The following SHC3 variants were observed in gnomAD, a reference collection of about 807,000 sequenced individuals.
SHC3 encodes SHC-transforming protein 3.
In SHC3, 15 loss-of-function variants were observed where a neutral mutation model predicts 60.4. The observed-to-expected ratio is 0.25, with a 90% confidence interval of 0.17 to 0.38. The LOEUF is 0.38. Ranked by LOEUF, SHC3 falls within the 10% of genes least tolerant of loss-of-function variation. The probability of loss-of-function intolerance (pLI) is 1.00; values close to 1 mark genes in which losing one functional copy is unlikely to be tolerated. For missense variants in SHC3, 677 were observed against 786.1 expected (o/e 0.86, Z 1.66); for synonymous variants, 294 against 325.9 (o/e 0.90, Z 1.05).
rs139051239 is a variant in SHC3, at chr9:89,150,888, T to A, written c.474+27099A>T. ...CAATAATTGTTATTGTCCATTTTTTTAATTATAGCTTTTTTTGTTATACCC... is the reference window on the plus strand; with the variant it reads ...CAATAATTGTTATTGTCCATTTTTTAAATTATAGCTTTTTTTGTTATACCC... On this transcript the variant is annotated intron_variant, in intron 1 of 11. Transcript: ENST00000375835. Among the ~76,000 whole-genome samples, 1,129 of 152,348 alleles carry A rather than the reference T, an allele frequency of 7.4e-3. 16 individuals carry two copies. Among genetic ancestry groups the A allele is most frequent in the African/African-American group, 0.025 (1,034 of 41,580 alleles).
intron 1 of SHC3, among the ~76,000 whole-genome samples, chr9:89,173,906 T>A (rs1363263278): frequency 6.6e-6 from 1 of 152,172 alleles, no homozygotes; most frequent in Non-Finnish European, 1.5e-5. Flanking sequence ...GTGTAAGCCA[T>A]CCATATCATA....
chr9:89,172,697 C>T (rs1046776021), intron 1 of SHC3, among the ~76,000 whole-genome samples: 1 of 152,212 alleles, frequency 6.6e-6, no homozygotes, highest in Non-Finnish European at 1.5e-5. Flanking sequence ...TACTATAGAA[C>T]TCTTATGATA....
chr9:89,164,470 A>G (rs1445325192), intron 1 of SHC3, among the ~76,000 whole-genome samples: 1 of 152,066 alleles, frequency 6.6e-6, no homozygotes, highest in Non-Finnish European at 1.5e-5. Flanking sequence ...GTTTCTCCAT[A>G]TGGTTGGAGT....
At chr9:89,169,752 G>A (rs1159807838) in intron 1 of SHC3, among the ~76,000 whole-genome samples, 2 of 152,142 alleles carry the variant, frequency 1.3e-5, no homozygotes, top group Non-Finnish European at 2.9e-5. Context: ...GTTGGGTGGC[G>A]GGCCATTTGT....
intron 1 of SHC3, among the ~76,000 whole-genome samples, chr9:89,131,919 C>G (rs1427700921): frequency 1.3e-5 from 2 of 152,102 alleles, no homozygotes; most frequent in South Asian, 2.1e-4. Flanking sequence ...GGCAATCAGG[C>G]AAGAGAAAGA....
chr9:89,007,051 G>A lies in SHC3; in HGVS notation c.*6396C>T, dbSNP rs1469855068. 1 of 152,192 alleles carries A rather than the reference G, an allele frequency of 6.6e-6. No individual in the cohort carries two copies. The highest frequency in any genetic ancestry group is 2.4e-5 in the African/African-American group (1 of 41,448). The allele number at this position is 152,192 out of a possible 1,614,324, so 9.4% of individuals were successfully genotyped here. Reference sequence around the variant, plus strand: ...TAAAATTGTATGAGATTTTATTCCTGGTGCTTTTTCAGCGAGAACCATTTT... The same window carrying A: ...TAAAATTGTATGAGATTTTATTCCTAGTGCTTTTTCAGCGAGAACCATTTT... On this transcript the variant is annotated 3_prime_UTR_variant, in exon 12 of 12. Coordinates refer to ENST00000375835, the MANE Select transcript of SHC3 (RefSeq NM_016848.6).
intron 2 of SHC3, among the ~76,000 whole-genome samples, chr9:89,102,405 T>C (rs2118085402): frequency 6.6e-6 from 1 of 152,344 alleles, no homozygotes; most frequent in South Asian, 2.1e-4. Context: ...GGAATGAGTC[T>C]GTATATTCAG....
Position 89,178,160 on chromosome 9 carries a change from T to G in SHC3, c.301A>C (p.Ser101Arg). 8.0e-7 allele frequency: 1 copy of G among 1,245,584 alleles called. No individual in the cohort carries two copies. Among genetic ancestry groups the G allele is most frequent in the South Asian group, 3.0e-5 (1 of 33,514 alleles). The allele number at this position is 1,245,584 out of a possible 1,614,324, so 77.2% of individuals were successfully genotyped here. ...RAGARLSGSC[S>R]APSLAAPDGS... is the part of the protein sequence containing the mutation. ...TCCGGGGCGGCCAGGCTGGGCGCGC[T>G]GCAGCTGCCCGAGAGCCGCGCGCCC... Residue 101 changes from serine to arginine, a missense_variant, in exon 1 of 12, where the codon AGC becomes CGC. Physicochemically the swap from Ser to Arg is moderately radical, Grantham distance 110 (BLOSUM62 -1). Coordinates refer to ENST00000375835, the MANE Select transcript of SHC3 (RefSeq NM_016848.6). This position sits in a 1 kb window ranked among gnomAD's most constrained non-coding sequence, Gnocchi z 6.9.
intron 1 of SHC3, among the ~76,000 whole-genome samples, chr9:89,168,801 C>A (rs1475785475): frequency 6.6e-6 from 1 of 152,172 alleles, no homozygotes; most frequent in Non-Finnish European, 1.5e-5. Flanking sequence ...AGATGGCCTT[C>A]CCCAATTTGT....
chr9:89,137,959 A>G (rs944923842), intron 1 of SHC3, among the ~76,000 whole-genome samples: 2 of 152,250 alleles, frequency 1.3e-5, no homozygotes, highest in Non-Finnish European at 2.9e-5. Flanking sequence ...TTCCTCTGCA[A>G]CTATGAGTCT....
At chr9:89,093,974 G>A (rs965531340) in intron 2 of SHC3, among the ~76,000 whole-genome samples, 1 of 151,796 alleles carries the variant, frequency 6.6e-6, no homozygotes, top group African/African-American at 2.4e-5. Context: ...TGTGGTGGCA[G>A]GCACCTGTAA....
chr9:89,167,737 T>C (rs924388175), intron 1 of SHC3, among the ~76,000 whole-genome samples: 2 of 152,222 alleles, frequency 1.3e-5, no homozygotes, highest in Non-Finnish European at 2.9e-5. Context: ...AAATCTTAAA[T>C]TGAGAAAATC....
intron 1 of SHC3, among the ~76,000 whole-genome samples, chr9:89,125,534 G>A (rs1403304748): frequency 6.6e-6 from 1 of 152,038 alleles, no homozygotes; most frequent in African/African-American, 2.4e-5. Flanking sequence ...GGTAAAATGA[G>A]GCTGAGACCT....
At chr9:89,164,282 TGAGCA>T (rs1378382666) in intron 1 of SHC3, among the ~76,000 whole-genome samples, 1 of 152,142 alleles carries the variant, frequency 6.6e-6, no homozygotes. Context: ...CTGGAGACCC[TGAGCA>T]GAGGGCACCA....
At chr9:89,173,069 C>A (rs1210138918) in intron 1 of SHC3, among the ~76,000 whole-genome samples, 1 of 152,258 alleles carries the variant, frequency 6.6e-6, no homozygotes, top group Non-Finnish European at 1.5e-5. Flanking sequence ...GGCCTCCAAC[C>A]CATAGAGACC....
At chr9:89,096,691 G>A (rs551914121) in intron 2 of SHC3, among the ~76,000 whole-genome samples, 27 of 152,234 alleles carry the variant, frequency 1.8e-4, no homozygotes, top group South Asian at 2.1e-4. Flanking sequence ...TTAGCGTAGC[G>A]CAGCTGTTTT....
At chr9:89,161,694 C>T (rs1826709393) in intron 1 of SHC3, among the ~76,000 whole-genome samples, 5 of 151,422 alleles carry the variant, frequency 3.3e-5, no homozygotes. Context: ...GACAGGGATG[C>T]CCTCTCTCAC....
Position 89,010,978 on chromosome 9 carries a change from C to T in SHC3, c.*2469G>A, listed in dbSNP as rs2118625217. Reference sequence around the variant, plus strand: ...CTGTGAGGCTCACAGGAATGGCCCACCACACAGTGCTGGAGGGAAGAGTTG... The same window carrying T: ...CTGTGAGGCTCACAGGAATGGCCCATCACACAGTGCTGGAGGGAAGAGTTG... On this transcript the variant is annotated 3_prime_UTR_variant, in exon 12 of 12. Coordinates refer to ENST00000375835, the MANE Select transcript of SHC3 (RefSeq NM_016848.6). 6.6e-6 allele frequency: 1 copy of T among 152,318 alleles called. No individual in the cohort carries two copies. The highest frequency in any genetic ancestry group is 1.9e-4 in the East Asian group (1 of 5,176). The allele number at this position is 152,318 out of a possible 1,614,324, so 9.4% of individuals were successfully genotyped here. A position where few individuals can be genotyped will look rare whatever the true frequency, so the allele number is the denominator to read the frequency against.
At chr9:89,035,830 AATATAT>A (rs1185604208) in intron 11 of SHC3, among the ~76,000 whole-genome samples, 2 of 106,440 alleles carry the variant, frequency 1.9e-5, no homozygotes, top group East Asian at 7.5e-4. Flanking sequence ...AAACAAACAA[AATATAT>A]ATATATATAT....
Sources: gnomAD v4.1 joint callset for allele counts (sites outside exome capture counted in the v4.1 genomes callset) on GRCh38, gnomAD v4.1.1 for gene constraint, Gnocchi (gnomAD v3.1) non-coding constraint, MANE v1.5 for transcripts, NCBI Gene and HGNC (gene_info 2026-07-23, HGNC 2026-07-21) for gene names.